Variants in HS3ST4 observed in about 807,000 individuals in gnomAD.
HS3ST4 encodes the protein heparan sulfate-glucosamine 3-sulfotransferase 4, also known as heparan sulfate glucosamine 3-O-sulfotransferase 4.
Under a neutral mutation model 29.2 loss-of-function variants are expected in HS3ST4, and 17 were observed. The observed-to-expected ratio is 0.58, with a 90% confidence interval of 0.40 to 0.87. The LOEUF (loss-of-function observed/expected upper bound fraction) is 0.87. HS3ST4 is among the 40% of genes least tolerant of loss of function. HS3ST4 has a pLI of 0.00. For missense variants in HS3ST4, 627 were observed against 634.5 expected (o/e 0.99, Z 0.13); for synonymous variants, 314 against 285.7 (o/e 1.10, Z -1.00).
At chr16:25,760,040 G>A (rs1268045191) in intron 1 of HS3ST4, among the ~76,000 whole-genome samples, 2 of 152,112 alleles carry the variant, frequency 1.3e-5, no homozygotes, top group Non-Finnish European at 2.9e-5. Flanking sequence ...GAAGGTCAAT[G>A]GCATCTCCGG....
At position 25,692,518 on chromosome 16, in the gene HS3ST4, AGCT is replaced by A; in HGVS notation, c.105_107del (p.Leu36del). The A allele has an allele frequency of 2.1e-6, 3 of 1,408,054 alleles. No individual in the cohort carries two copies. The highest frequency in any genetic ancestry group is 2.8e-6 in the Non-Finnish European group (3 of 1,067,066). 87.2% of individuals were successfully genotyped at this position (1,408,054 alleles called of 1,614,324 possible). On this transcript the variant is annotated inframe_deletion, in exon 1 of 2. Coordinates refer to ENST00000331351, the MANE Select transcript of HS3ST4 (RefSeq NM_006040.3). Reference sequence around the variant, plus strand: ...TCTGCTAAGGGGCCGCCGGCGCGCAAGCTGCTTTTTATGTGCACCTTGTCCCTG... The same window carrying A: ...TCTGCTAAGGGGCCGCCGGCGCGCAAGCTTTTTATGTGCACCTTGTCCCTG...
intron 1 of HS3ST4, among the ~76,000 whole-genome samples, chr16:25,987,103 C>T (rs1969071664): frequency 6.6e-6 from 1 of 152,200 alleles, no homozygotes; most frequent in African/African-American, 2.4e-5. Context: ...GTAATCCCAG[C>T]ACTTTGGGAG....
chr16:25,989,784 C>A (rs1969098618), intron 1 of HS3ST4, among the ~76,000 whole-genome samples: 1 of 152,178 alleles, frequency 6.6e-6, no homozygotes, highest in Middle Eastern at 3.2e-3. Context: ...CCAAACTGTT[C>A]TACCCCAGGC....
chr16:26,061,530 C>A (rs976522727), intron 1 of HS3ST4, among the ~76,000 whole-genome samples: 4 of 152,176 alleles, frequency 2.6e-5, no homozygotes, highest in African/African-American at 9.7e-5. Context: ...GAATCCTGGC[C>A]AGAAGCTGTG....
chr16:26,040,296 C>CTTTTTTTTT (rs565233563), intron 1 of HS3ST4, among the ~76,000 whole-genome samples: 1 of 135,738 alleles, frequency 7.4e-6, no homozygotes, highest in Non-Finnish European at 1.6e-5. Flanking sequence ...ATCTTTCTTT[C>CTTTTTTTTT]TTTTTTTTTT....
At chr16:26,118,952 TA>T in intron 1 of HS3ST4, among the ~76,000 whole-genome samples, 1 of 152,346 alleles carries the variant, frequency 6.6e-6, no homozygotes, top group Non-Finnish European at 1.5e-5. Context: ...ATAGCAACAA[TA>T]ACAACAACTA....
chr16:25,807,847 G>A (rs1385049142), intron 1 of HS3ST4, among the ~76,000 whole-genome samples: 1 of 152,116 alleles, frequency 6.6e-6, no homozygotes, highest in Non-Finnish European at 1.5e-5. Context: ...ATTTAAATAG[G>A]TGAGTAGTGG....
At chr16:26,010,420 C>G (rs1209656231) in intron 1 of HS3ST4, among the ~76,000 whole-genome samples, 1 of 151,070 alleles carries the variant, frequency 6.6e-6, no homozygotes. Flanking sequence ...CGCCGCTGCA[C>G]TCTAGCCTGG....
chr16:26,132,965 A>G (rs1256725581), intron 1 of HS3ST4, among the ~76,000 whole-genome samples: 1 of 152,206 alleles, frequency 6.6e-6, no homozygotes, highest in Non-Finnish European at 1.5e-5. Flanking sequence ...GATGGTCAGT[A>G]TATTTCCTAT....
chr16:25,984,621 G>A (rs562878326), intron 1 of HS3ST4, among the ~76,000 whole-genome samples: 3 of 152,252 alleles, frequency 2.0e-5, no homozygotes, highest in Admixed American at 2.0e-4. Flanking sequence ...ACTTCTAGGA[G>A]ATCACCTATT....
intron 1 of HS3ST4, among the ~76,000 whole-genome samples, chr16:25,793,329 G>T (rs776817418): frequency 6.6e-6 from 1 of 151,700 alleles, no homozygotes; most frequent in Non-Finnish European, 1.5e-5. Context: ...TGATTTTTTT[G>T]GATATTTTGC....
chr16:25,940,109 C>A (rs1017879173), intron 1 of HS3ST4, among the ~76,000 whole-genome samples: 13 of 152,146 alleles, frequency 8.5e-5, no homozygotes, highest in African/African-American at 3.1e-4. Flanking sequence ...TGGCAATTTC[C>A]CAGCTATTCT....
intron 1 of HS3ST4, among the ~76,000 whole-genome samples, chr16:26,007,859 C>G (rs1969272074): frequency 1.3e-5 from 2 of 152,110 alleles, no homozygotes; most frequent in Admixed American, 6.5e-5. Context: ...CACCTATCCC[C>G]CTACAATCCA....
chr16:25,799,427 A>AT (rs1966910277), intron 1 of HS3ST4, among the ~76,000 whole-genome samples: 1 of 152,234 alleles, frequency 6.6e-6, no homozygotes, highest in Non-Finnish European at 1.5e-5. Context: ...GATAAGAGAA[A>AT]TTACAGACAT....
intron 1 of HS3ST4, among the ~76,000 whole-genome samples, chr16:25,753,018 T>C (rs1966731999): frequency 6.6e-6 from 1 of 152,166 alleles, no homozygotes; most frequent in African/African-American, 2.4e-5. Flanking sequence ...ACAAAGAAGA[T>C]TCAGTTAGAT....
rs115791688 is a variant in HS3ST4 at position 25,696,371 on chromosome 16, C to T, written c.734+3220C>T. 7.1e-3 allele frequency among the ~76,000 whole-genome samples: 1,089 copies of T among 152,334 alleles called. 13 individuals carry two copies. Among genetic ancestry groups the T allele is most frequent in the African/African-American group, 0.025 (1,025 of 41,570 alleles). ...AACTGGCTGCCAATGCAGAACTCAT[C>T]AAGGTGACAGAGACAACATGAGCTG... On this transcript the variant is annotated intron_variant, in intron 1 of 1. Coordinates refer to ENST00000331351, the MANE Select transcript of HS3ST4 (RefSeq NM_006040.3).
At chr16:26,115,867 A>T (rs1055682010) in intron 1 of HS3ST4, among the ~76,000 whole-genome samples, 1 of 152,220 alleles carries the variant, frequency 6.6e-6, no homozygotes, top group South Asian at 2.1e-4. Context: ...GGGCAAGATC[A>T]CATGCTACTC....
At chr16:26,025,267 CT>C (rs1969457174) in intron 1 of HS3ST4, 1 of 154,424 alleles carries the variant, frequency 6.5e-6, no homozygotes, top group African/African-American at 2.4e-5. Flanking sequence ...CGGTTTTTGC[CT>C]TTCAACATAA....
At chr16:25,994,157 G>A (rs549137179) in intron 1 of HS3ST4, among the ~76,000 whole-genome samples, 1 of 152,084 alleles carries the variant, frequency 6.6e-6, no homozygotes, top group East Asian at 1.9e-4. Flanking sequence ...GGGGGCTAGG[G>A]CTTCAAATTT....
Sources: allele counts gnomAD v4.1 joint callset (sites outside exome capture counted in the v4.1 genomes callset), GRCh38; gene constraint gnomAD v4.1.1; transcripts MANE v1.5; gene names NCBI Gene and HGNC (gene_info 2026-07-23, HGNC 2026-07-21).